The following MYO16 variants were observed in gnomAD, a reference collection of about 807,000 sequenced individuals.
MYO16 encodes myosin XVI.
Under a neutral mutation model 205.3 loss-of-function variants are expected in MYO16, and 94 were observed. That is an observed-to-expected ratio of 0.46 (90% CI 0.39 to 0.54). The LOEUF (loss-of-function observed/expected upper bound fraction) is 0.54, where lower values mean the gene tolerates loss of function less well. Ranked by LOEUF, MYO16 falls within the 20% of genes least tolerant of loss-of-function variation. The pLI, the probability that MYO16 is intolerant of heterozygous loss-of-function variation, is 0.00. For missense variants in MYO16, 2,315 were observed against 2,387.5 expected, an observed-to-expected ratio of 0.97 and a Z score of 0.63; for synonymous variants, 988 against 954.0, an observed-to-expected ratio of 1.04 and a Z score of -0.66.
chr13:108,807,421 A>T (rs1485199895), intron 7 of MYO16, among the ~76,000 whole-genome samples: 1 of 150,846 alleles, frequency 6.6e-6, no homozygotes, highest in East Asian at 1.9e-4. Context: ...ACAAACAAGA[A>T]CATTGTTTGT....
chr13:108,804,630 C>T (rs1363686982), intron 6 of MYO16, among the ~76,000 whole-genome samples: 1 of 152,124 alleles, frequency 6.6e-6, no homozygotes, highest in Non-Finnish European at 1.5e-5. Context: ...CCAGTAGACT[C>T]AAAATAATGC....
chr13:109,121,967 G>A (rs781489501), intron 29 of MYO16, among the ~76,000 whole-genome samples: 2 of 152,252 alleles, frequency 1.3e-5, no homozygotes, highest in African/African-American at 2.4e-5. Flanking sequence ...CAGTGCAGGG[G>A]AGAGGGCGGG....
At chr13:108,972,139 C>T (rs1168294012) in intron 20 of MYO16, among the ~76,000 whole-genome samples, 3 of 136,858 alleles carry the variant, frequency 2.2e-5, no homozygotes, top group Non-Finnish European at 4.7e-5. Flanking sequence ...CAGCCCAGGA[C>T]GGTGAGTCTG....
At chr13:109,196,445 T>G (rs1040454438) in intron 34 of MYO16, among the ~76,000 whole-genome samples, 1 of 152,128 alleles carries the variant, frequency 6.6e-6, no homozygotes, top group Non-Finnish European at 1.5e-5. Context: ...GGGAAATGGG[T>G]CTGGACCATG....
At chr13:108,809,829 C>A (rs769888607) in intron 7 of MYO16, among the ~76,000 whole-genome samples, 2 of 152,214 alleles carry the variant, frequency 1.3e-5, no homozygotes, top group Non-Finnish European at 2.9e-5. Context: ...GCGCTGGGTA[C>A]CAGCCCCACC....
At chr13:108,499,972 C>G in the MYO16 span, among the ~76,000 whole-genome samples, 1 of 120,888 alleles carries the variant, frequency 8.3e-6, no homozygotes, top group Non-Finnish European at 2.1e-5. Flanking sequence ...GCCCCTCTCT[C>G]CCTCTGCTCC....
chr13:108,559,844 G>A, the MYO16 span, among the ~76,000 whole-genome samples: 1 of 151,972 alleles, frequency 6.6e-6, no homozygotes, highest in Non-Finnish European at 1.5e-5. Flanking sequence ...GATTCTATAA[G>A]AAAAACAAGG....
chr13:108,554,691 T>C, the MYO16 span, among the ~76,000 whole-genome samples: 1 of 151,080 alleles, frequency 6.6e-6, no homozygotes, highest in Non-Finnish European at 1.5e-5. Context: ...CTGCTAAAAA[T>C]ACAAAAAAAT....
At chr13:109,012,646 G>A (rs1325253661) in intron 22 of MYO16, among the ~76,000 whole-genome samples, 1 of 152,022 alleles carries the variant, frequency 6.6e-6, no homozygotes, top group Non-Finnish European at 1.5e-5. Context: ...AAAGGTTGGG[G>A]CCCTCTAGTC....
the MYO16 span, among the ~76,000 whole-genome samples, chr13:108,527,694 T>C: frequency 2.0e-5 from 3 of 152,332 alleles, no homozygotes; most frequent in African/African-American, 7.2e-5. Flanking sequence ...TATATGCCAA[T>C]AAAAGGATTC....
intron 27 of MYO16, among the ~76,000 whole-genome samples, chr13:109,059,944 C>G (rs893422430): frequency 5.9e-5 from 9 of 151,980 alleles, no homozygotes; most frequent in Non-Finnish European, 8.8e-5. Flanking sequence ...CAATGAGATA[C>G]CATGTCAGTT....
intron 16 of MYO16, among the ~76,000 whole-genome samples, chr13:108,933,937 T>G (rs1028269100): frequency 6.6e-6 from 1 of 152,338 alleles, no homozygotes; most frequent in East Asian, 1.9e-4. Context: ...GATTTCATTC[T>G]TTTTTATGGC....
chr13:108,834,952 A>G (rs1876824529), intron 9 of MYO16, among the ~76,000 whole-genome samples: 1 of 152,182 alleles, frequency 6.6e-6, no homozygotes. Flanking sequence ...AGAAAGAGAG[A>G]AACCTAAACA....
chr13:108,602,097 T>G, intron 1 of MYO16, among the ~76,000 whole-genome samples: 2 of 61,428 alleles, frequency 3.3e-5, no homozygotes, highest in Admixed American at 2.2e-4. Context: ...TGTGAGGATA[T>G]GATGAAAAAA....
At chr13:108,575,607 T>C in the MYO16 span, among the ~76,000 whole-genome samples, 1 of 152,234 alleles carries the variant, frequency 6.6e-6, no homozygotes, top group Non-Finnish European at 1.5e-5. Context: ...ATAAACTCTC[T>C]ACTGAAATTT....
intron 20 of MYO16, among the ~76,000 whole-genome samples, chr13:108,972,950 G>A (rs1319957102): frequency 1.3e-5 from 2 of 151,880 alleles, no homozygotes; most frequent in Non-Finnish European, 2.9e-5. Context: ...GTGCCTGAAC[G>A]AAGGAACTGG....
At chr13:109,124,389 C>A (rs1011358892) in intron 29 of MYO16, among the ~76,000 whole-genome samples, 1 of 152,042 alleles carries the variant, frequency 6.6e-6, no homozygotes, top group Non-Finnish European at 1.5e-5. Flanking sequence ...AGAGAAGTGC[C>A]ATTGTGTCTG....
At chr13:109,047,106 G>T (rs1887070113) in intron 24 of MYO16, 115 bp downstream of exon 24, 2 of 768,440 alleles carry the variant, frequency 2.6e-6, no homozygotes, top group Non-Finnish European at 4.3e-6. Flanking sequence ...TAATTGAAAT[G>T]CCTTTTGCAT....
chr13:109,053,480 T>G (rs1160657026), intron 25 of MYO16, among the ~76,000 whole-genome samples: 7 of 151,934 alleles, frequency 4.6e-5, no homozygotes, highest in Admixed American at 6.6e-5. Context: ...ATAAGAAAGA[T>G]CTCTATGACT....
Sources: allele counts gnomAD v4.1 joint callset (sites outside exome capture counted in the v4.1 genomes callset), GRCh38; gene constraint gnomAD v4.1.1; transcripts MANE v1.5; gene names NCBI Gene and HGNC (gene_info 2026-07-23, HGNC 2026-07-21).